Variants in KLHDC10 observed in about 807,000 individuals in gnomAD.
KLHDC10 encodes kelch domain containing 10, also known as kelch domain-containing protein 10.
A neutral mutation model predicts 56.1 loss-of-function variants in KLHDC10; 24 were observed. The ratio of observed to expected loss-of-function variants is 0.43; its 90% CI spans 0.31 to 0.60. The LOEUF (loss-of-function observed/expected upper bound fraction) is 0.60. KLHDC10 is among the 20% of genes least tolerant of loss of function. KLHDC10 has a pLI of 0.11. For synonymous variants in KLHDC10, 188 were observed against 207.1 expected, an observed-to-expected ratio of 0.91 and a Z score of 0.79; for missense variants, 349 against 567.0, an observed-to-expected ratio of 0.62 and a Z score of 3.91.
At chr7:130,107,719 C>CT (rs1273783516) in intron 2 of KLHDC10, among the ~76,000 whole-genome samples, 1 of 151,724 alleles carries the variant, frequency 6.6e-6, no homozygotes, top group Non-Finnish European at 1.5e-5. Flanking sequence ...TGGTGCACGC[C>CT]TGTAATCCCA....
chr7:130,074,768 ACT>A lies in KLHDC10; in HGVS notation c.166+3960_166+3961del, dbSNP rs1795474589. On this transcript the variant is annotated intron_variant, in intron 1 of 9. Transcript: ENST00000335420. Reference sequence around the variant, plus strand: ...GTAGTTGGGATTATAGGTGCGCGCCACTGTGCTACTTTTTGTATTTTTAGTAG... The same window carrying A: ...GTAGTTGGGATTATAGGTGCGCGCCAGTGCTACTTTTTGTATTTTTAGTAG... 6.6e-5 allele frequency among the ~76,000 whole-genome samples: 10 copies of A among 152,042 alleles called. 1 individual carries two copies. In the South Asian group the frequency reaches 1.9e-3, roughly 28 times the overall value.
intron 1 of KLHDC10, among the ~76,000 whole-genome samples, chr7:130,075,623 T>C (rs770557701): frequency 1.3e-4 from 20 of 152,360 alleles, no homozygotes; most frequent in Non-Finnish European, 2.5e-4. Flanking sequence ...ATACAATGAA[T>C]AGCCCTATAC....
chr7:130,102,609 G>A (rs1482886667), intron 2 of KLHDC10, among the ~76,000 whole-genome samples: 4 of 152,076 alleles, frequency 2.6e-5, no homozygotes, highest in Non-Finnish European at 4.4e-5. Context: ...ATCACTTGAG[G>A]CCAGGAGTTC....
At chr7:130,118,410 G>A (rs925395844) in intron 3 of KLHDC10, among the ~76,000 whole-genome samples, 1 of 152,170 alleles carries the variant, frequency 6.6e-6, no homozygotes, top group Admixed American at 6.5e-5. Context: ...AAGAGAGTCA[G>A]GGCCTTGCTC....
chr7:130,115,550 T>C (rs1306547044), intron 2 of KLHDC10, among the ~76,000 whole-genome samples: 1 of 151,728 alleles, frequency 6.6e-6, no homozygotes, highest in Non-Finnish European at 1.5e-5. Context: ...ACCCTGTCTC[T>C]ACTAAAAACA....
At chr7:130,119,778 A>T (rs1053920520) in intron 3 of KLHDC10, among the ~76,000 whole-genome samples, 1 of 139,286 alleles carries the variant, frequency 7.2e-6, no homozygotes, top group Non-Finnish European at 1.5e-5. Context: ...TGGGAGGTGG[A>T]GGTTGCAGTG....
At chr7:130,071,591 G>T (rs1271804499) in intron 1 of KLHDC10, among the ~76,000 whole-genome samples, 1 of 152,138 alleles carries the variant, frequency 6.6e-6, no homozygotes, top group Non-Finnish European at 1.5e-5. Context: ...TGTATGTGTA[G>T]ACAATTTTAA....
intron 3 of KLHDC10, among the ~76,000 whole-genome samples, chr7:130,119,537 TAAAAAA>T (rs11317882): frequency 4.0e-5 from 4 of 100,388 alleles, no homozygotes; most frequent in East Asian, 6.0e-4. Flanking sequence ...AAAAAAGAGT[TAAAAAA>T]AAAAAAAAAA....
At position 130,133,970 on chromosome 7, in the gene KLHDC10, T is replaced by C. The variant is rs1433333837; in HGVS notation, c.*3224T>C. ...ATAATGACATGATGTAAAAATTTGCTTTAAACCATTCATGCCCTTAAATAG... is the reference window on the plus strand; with the variant it reads ...ATAATGACATGATGTAAAAATTTGCCTTAAACCATTCATGCCCTTAAATAG... On this transcript the variant is annotated 3_prime_UTR_variant, in exon 10 of 10. Coordinates refer to ENST00000335420, the MANE Select transcript of KLHDC10 (RefSeq NM_014997.4). 6.6e-6 allele frequency: 1 copy of C among 152,232 alleles called. No homozygotes were observed. The highest frequency in any genetic ancestry group is 2.4e-5 in the African/African-American group (1 of 41,456). 9.4% of individuals were successfully genotyped at this position (152,232 alleles called of 1,614,324 possible).
At chr7:130,072,277 G>C (rs1795425792) in intron 1 of KLHDC10, among the ~76,000 whole-genome samples, 1 of 152,186 alleles carries the variant, frequency 6.6e-6, no homozygotes, top group Non-Finnish European at 1.5e-5. Context: ...TGGGCTTCAA[G>C]TAGGCATTCC....
chr7:130,126,376 A>G (rs980995883), intron 7 of KLHDC10, among the ~76,000 whole-genome samples: 4 of 151,992 alleles, frequency 2.6e-5, no homozygotes, highest in African/African-American at 4.8e-5. Flanking sequence ...CCTTAGCCCA[A>G]TTATAATTTT....
In KLHDC10 at chr7:130,134,332, G is replaced by C. The variant is rs1408743678; in HGVS notation, c.*3586G>C. 1 of 152,190 alleles carries C rather than the reference G, an allele frequency of 6.6e-6. No individual in the cohort carries two copies. Among genetic ancestry groups the C allele is most frequent in the Non-Finnish European group, 1.5e-5 (1 of 68,042 alleles). 9.4% of individuals were successfully genotyped at this position (152,190 alleles called of 1,614,324 possible). Reference sequence around the variant, plus strand: ...CAATTAGAGTTGAATGCTGAAATTAGGAACCACAGGTGGTAATCCTGAGTA... The same window carrying C: ...CAATTAGAGTTGAATGCTGAAATTACGAACCACAGGTGGTAATCCTGAGTA... On this transcript the variant is annotated 3_prime_UTR_variant, in exon 10 of 10. Coordinates refer to ENST00000335420, the MANE Select transcript of KLHDC10 (RefSeq NM_014997.4).
intron 2 of KLHDC10, among the ~76,000 whole-genome samples, chr7:130,114,697 G>A (rs1382813278): frequency 6.6e-6 from 1 of 152,082 alleles, no homozygotes; most frequent in Non-Finnish European, 1.5e-5. Context: ...GTTAAGGTGT[G>A]ATCTTATTAA....
chr7:130,074,529 A>G (rs1183434690), intron 1 of KLHDC10, among the ~76,000 whole-genome samples: 3 of 152,200 alleles, frequency 2.0e-5, no homozygotes, highest in African/African-American at 7.2e-5. Flanking sequence ...ATTATATATA[A>G]CACGTTAGTG....
chr7:130,089,125 A>G (rs1795735035), intron 1 of KLHDC10, among the ~76,000 whole-genome samples: 1 of 152,230 alleles, frequency 6.6e-6, no homozygotes, highest in Non-Finnish European at 1.5e-5. Context: ...GTAAAAAAAA[A>G]ACATATATTT....
intron 3 of KLHDC10, among the ~76,000 whole-genome samples, chr7:130,118,204 A>C (rs1434310953): frequency 6.6e-6 from 1 of 152,152 alleles, no homozygotes; most frequent in Non-Finnish European, 1.5e-5. Flanking sequence ...AAAATTAAAA[A>C]TCTGTTGTTT....
intron 1 of KLHDC10, among the ~76,000 whole-genome samples, chr7:130,074,132 G>A (rs772798503): frequency 6.6e-6 from 1 of 152,104 alleles, no homozygotes; most frequent in Non-Finnish European, 1.5e-5. Context: ...ACGTTCTCTT[G>A]GTCATTGATC....
chr7:130,075,482 C>T (rs1296593878), intron 1 of KLHDC10, among the ~76,000 whole-genome samples: 1 of 152,148 alleles, frequency 6.6e-6, no homozygotes, highest in Non-Finnish European at 1.5e-5. Flanking sequence ...TCCCTAGAAG[C>T]AACCAATGAT....
Position 130,120,604 on chromosome 7 carries a change from A to G in KLHDC10, c.476-145A>G. On this transcript the variant is annotated intron_variant, in intron 3 of 9. Transcript: ENST00000335420. This position sits in a 1 kb window ranked among gnomAD's most constrained non-coding sequence, Gnocchi z 5.1. ...TCAGATTTTCAGATTTGGCACGCTC[A>G]GCTACTAGTTAGATGTCAGTGGTTT... 1.3e-6 allele frequency: 1 copy of G among 774,142 alleles called. No individual in the cohort carries two copies. Among genetic ancestry groups the G allele is most frequent in the South Asian group, 2.0e-5 (1 of 50,120 alleles). 48.0% of individuals were successfully genotyped at this position (774,142 alleles called of 1,614,324 possible).
Sources: gnomAD v4.1 joint callset for allele counts (sites outside exome capture counted in the v4.1 genomes callset) on GRCh38, gnomAD v4.1.1 for gene constraint, Gnocchi (gnomAD v3.1) non-coding constraint, MANE v1.5 for transcripts, NCBI Gene and HGNC (gene_info 2026-07-23, HGNC 2026-07-21) for gene names.